VRK2: variants seen among roughly 807,000 people sequenced by gnomAD.
VRK2 encodes the protein serine/threonine-protein kinase VRK2.
A neutral mutation model predicts 57.6 loss-of-function variants in VRK2; 60 were observed. The observed-to-expected ratio is 1.04, with a 90% confidence interval of 0.85 to 1.29. The LOEUF (loss-of-function observed/expected upper bound fraction) is 1.29. VRK2 is among the 50% of genes most tolerant of loss of function. The probability of loss-of-function intolerance (pLI) is 0.00; values close to 1 mark genes in which losing one functional copy is unlikely to be tolerated. For synonymous variants in VRK2, 231 were observed against 199.2 expected, an observed-to-expected ratio of 1.16 and a Z score of -1.35; for missense variants, 705 against 588.1, an observed-to-expected ratio of 1.20 and a Z score of -2.06.
intron 1 of VRK2, among the ~76,000 whole-genome samples, chr2:57,982,779 C>T (rs1318909227): frequency 6.6e-6 from 1 of 152,218 alleles, no homozygotes; most frequent in Non-Finnish European, 1.5e-5. Flanking sequence ...CCAGTAAAGG[C>T]TACAGCCACC....
intron 1 of VRK2, among the ~76,000 whole-genome samples, chr2:57,951,924 C>CTTTTT (rs77314112): frequency 2.3e-5 from 3 of 128,736 alleles, no homozygotes; most frequent in East Asian, 2.2e-4. Context: ...TTTTTCCTTC[C>CTTTTT]TTTTTTTTTT....
rs887052398 is a variant in VRK2, at chr2:58,075,721, G to A, written c.137-8368G>A. On this transcript the variant is annotated intron_variant, in intron 2 of 12. Coordinates refer to ENST00000340157, the MANE Select transcript of VRK2 (RefSeq NM_006296.7). The stretch of plus-strand genomic sequence containing the variant: ...TCAGCTTCCTGTACCCTACTTAGGT[G>A]AGATAGGAAAGCTAGAAGAGGCTGG... Among the ~76,000 whole-genome samples, 10 of 152,234 alleles carry A rather than the reference G, an allele frequency of 6.6e-5. No homozygotes were observed. In the South Asian group the frequency reaches 2.1e-3, roughly 32 times the overall value.
At chr2:58,072,420 T>C (rs1440286984) in intron 2 of VRK2, among the ~76,000 whole-genome samples, 3 of 151,996 alleles carry the variant, frequency 2.0e-5, no homozygotes, top group Non-Finnish European at 4.4e-5. Flanking sequence ...GTAGATTTTT[T>C]TTATCGAGTT....
At chr2:58,154,594 G>A (rs1002558650) in intron 12 of VRK2, among the ~76,000 whole-genome samples, 2 of 151,854 alleles carry the variant, frequency 1.3e-5, no homozygotes, top group Non-Finnish European at 2.9e-5. Context: ...GTTTTGATAT[G>A]TTGTATTTTT....
At chr2:58,112,020 G>A (rs1017507483) in intron 7 of VRK2, among the ~76,000 whole-genome samples, 1 of 152,230 alleles carries the variant, frequency 6.6e-6, no homozygotes, top group Admixed American at 6.5e-5. Flanking sequence ...ATAGGACCTA[G>A]ACTGTGACCC....
At chr2:57,954,002 C>T (rs1465749640) in intron 1 of VRK2, among the ~76,000 whole-genome samples, 1 of 152,156 alleles carries the variant, frequency 6.6e-6, no homozygotes, top group Non-Finnish European at 1.5e-5. Context: ...TCCTATGCCT[C>T]TCCCATCTCA....
chr2:58,141,752 C>T (rs1195394893), intron 11 of VRK2, among the ~76,000 whole-genome samples: 1 of 151,918 alleles, frequency 6.6e-6, no homozygotes. Flanking sequence ...TGCAGTGCTA[C>T]AAAAACCAAA....
At chr2:58,004,599 T>G (rs927094429) in intron 1 of VRK2, among the ~76,000 whole-genome samples, 1 of 152,178 alleles carries the variant, frequency 6.6e-6, no homozygotes, top group East Asian at 1.9e-4. Flanking sequence ...TCATTTGTTT[T>G]GGATTTTGTT....
At chr2:58,080,472 G>T (rs1442162548) in intron 2 of VRK2, among the ~76,000 whole-genome samples, 1 of 151,606 alleles carries the variant, frequency 6.6e-6, no homozygotes, top group Non-Finnish European at 1.5e-5. Context: ...CACTATTTTT[G>T]TTGCAATGTT....
At chr2:57,930,962 C>T (rs1319310510) in intron 1 of VRK2, among the ~76,000 whole-genome samples, 3 of 151,966 alleles carry the variant, frequency 2.0e-5, no homozygotes, top group Non-Finnish European at 4.4e-5. Context: ...ATTACATATA[C>T]ATGTACTGAG....
upstream of VRK2, among the ~76,000 whole-genome samples, chr2:58,045,202 G>A (rs1244764982): frequency 1.3e-5 from 2 of 152,208 alleles, no homozygotes; most frequent in Non-Finnish European, 2.9e-5. Context: ...ACATTTAGGA[G>A]GGTAATACAA....
chr2:58,157,099 CTG>C (rs1261105963), intron 12 of VRK2, among the ~76,000 whole-genome samples: 1 of 152,084 alleles, frequency 6.6e-6, no homozygotes. Flanking sequence ...TTTCTTAGGT[CTG>C]TGTTATTTTC....
intron 1 of VRK2, among the ~76,000 whole-genome samples, chr2:57,924,379 G>A (rs1177693721): frequency 6.6e-6 from 1 of 151,690 alleles, no homozygotes; most frequent in Non-Finnish European, 1.5e-5. Flanking sequence ...CCATTTTTTT[G>A]TGTGTCTTCA....
In VRK2 at chr2:57,913,732, A is replaced by G. The variant is rs546406264; in HGVS notation, c.-439+5893A>G. Among the ~76,000 whole-genome samples, 5 of 152,252 alleles carry G rather than the reference A, an allele frequency of 3.3e-5. No homozygotes were observed. In the South Asian group the frequency reaches 8.3e-4, roughly 25 times the overall value. On this transcript the variant is annotated intron_variant, in intron 1 of 15. Coordinates refer to the VRK2 transcript ENST00000417641. ...TTCACAAATTATACATACTCTTTGC[A>G]TGTTTTAATACTGCAGAGACATATG...
chr2:58,090,328 G>A (rs553944115), intron 7 of VRK2, among the ~76,000 whole-genome samples: 5 of 151,232 alleles, frequency 3.3e-5, no homozygotes, highest in Non-Finnish European at 5.9e-5. Flanking sequence ...CCCAGGAGGC[G>A]GATGTTGCAG....
chr2:58,075,297 A>T lies in VRK2; in HGVS notation c.137-8792A>T, dbSNP rs187205797. Among the ~76,000 whole-genome samples, 11 of 152,146 alleles carry T rather than the reference A, an allele frequency of 7.2e-5. No individual in the cohort carries two copies. The East Asian group carries it at 1.7e-3, about 24-fold the overall frequency. On this transcript the variant is annotated intron_variant, in intron 2 of 12. Coordinates refer to ENST00000340157, the MANE Select transcript of VRK2 (RefSeq NM_006296.7). ...ACTTTCTTTATATAGTTCACCATTG[A>T]TGGACATCTAGGTTGATCTTTGCTA...
rs1558676703 is a variant in VRK2, at chr2:58,131,845, C to T, written c.714C>T (p.Tyr238=). 1.9e-5 allele frequency: 31 copies of T among 1,613,810 alleles called. No individual in the cohort carries two copies. In the East Asian group the frequency reaches 6.5e-4, roughly 34 times the overall value. The change falls in exon 9 of 13, where the codon TAC becomes TAT. Residue 238 remains tyrosine (Y), a synonymous_variant. Transcript: ENST00000340157. ...GAAGTGACGTTGAGATCCTCGGCTA[C>T]TGCATGCTGCGGTGGTTGTGTGGGA... ...SRRSDVEILG[Y]CMLRWLCGKL...
intron 7 of VRK2, among the ~76,000 whole-genome samples, chr2:58,103,154 A>G (rs1674251246): frequency 6.6e-6 from 1 of 151,622 alleles, no homozygotes; most frequent in Non-Finnish European, 1.5e-5. Context: ...TTAACCAAAC[A>G]TCACATCTCA....
intron 1 of VRK2, among the ~76,000 whole-genome samples, chr2:57,918,300 G>A (rs1372207546): frequency 1.3e-5 from 2 of 152,090 alleles, no homozygotes; most frequent in African/African-American, 4.8e-5. Context: ...GAGACCAGAA[G>A]GAGGAGAGGG....
Sources: allele counts gnomAD v4.1 joint callset (sites outside exome capture counted in the v4.1 genomes callset), GRCh38; gene constraint gnomAD v4.1.1; transcripts MANE v1.5; gene names NCBI Gene and HGNC (gene_info 2026-07-23, HGNC 2026-07-21).